The following FANCL variants were observed in gnomAD, a reference collection of about 807,000 sequenced individuals.
FANCL encodes the protein E3 ubiquitin-protein ligase FANCL.
Under a neutral mutation model 59.4 loss-of-function variants are expected in FANCL, and 69 were observed. That is an observed-to-expected ratio of 1.16 (90% confidence interval 0.96 to 1.42). The LOEUF (loss-of-function observed/expected upper bound fraction) is 1.42, where lower values mean the gene tolerates loss of function less well. Ranked by LOEUF, FANCL falls within the 40% of genes most tolerant of loss-of-function variation. The pLI, the probability that FANCL is intolerant of heterozygous loss-of-function variation, is 0.00. For synonymous variants in FANCL, 180 were observed against 147.1 expected, an observed-to-expected ratio of 1.22 and a Z score of -1.62; for missense variants, 519 against 447.2, an observed-to-expected ratio of 1.16 and a Z score of -1.45.
chr2:58,214,337 T>C (rs1036374683), intron 5 of FANCL, among the ~76,000 whole-genome samples: 1 of 152,348 alleles, frequency 6.6e-6, no homozygotes, highest in East Asian at 1.9e-4. Flanking sequence ...ACACTTTCTA[T>C]TTAGCTCACA....
Position 58,241,249 on chromosome 2 carries a change from T to C in FANCL, c.65A>G (p.Lys22Arg), listed in dbSNP as rs1215656155. 1.2e-6 allele frequency: 2 copies of C among 1,614,256 alleles called. No homozygotes were observed. The highest frequency in any genetic ancestry group is 2.2e-5 in the South Asian group (2 of 91,084). ...CGAGATGAATCCCTCATACACGGTT[T>C]TCGACCGGTTCTGGGGCAGAAGCAG... ...CPLLLPQNRS[K>R]TVYEGFISAQ... The change falls in exon 1 of 14, where the codon AAA becomes AGA. Residue 22 changes from lysine (K) to arginine (R), a missense_variant. Coordinates refer to ENST00000233741, the MANE Select transcript of FANCL (RefSeq NM_018062.4).
rs563378210 is a variant in FANCL, at chr2:58,164,201, A to AT, written c.692-685dup. On this transcript the variant is annotated intron_variant, in intron 8 of 13. Coordinates refer to ENST00000233741, the MANE Select transcript of FANCL (RefSeq NM_018062.4). ...CGTAAGTTTCAGAAATTTTACTTCT[A>AT]TTTTTTGAAGGTACATAGTGTAACT... 1.4e-3 allele frequency among the ~76,000 whole-genome samples: 218 copies of AT among 152,100 alleles called. 2 individuals are homozygous for AT. The highest frequency in any genetic ancestry group is 0.014 in the Middle Eastern group (4 of 294).
intron 7 of FANCL, among the ~76,000 whole-genome samples, chr2:58,177,746 C>T (rs565243859): frequency 3.4e-5 from 5 of 148,818 alleles, no homozygotes; most frequent in South Asian, 4.3e-4. Context: ...GTAACCTGCA[C>T]ATTGTGCACA....
intron 5 of FANCL, among the ~76,000 whole-genome samples, chr2:58,207,895 A>G (rs1690751243): frequency 6.6e-6 from 1 of 152,150 alleles, no homozygotes; most frequent in South Asian, 2.1e-4. Context: ...CATCTTTACA[A>G]AAATCTTTTT....
rs187735136 is a variant in FANCL at position 58,173,595 on chromosome 2, T to C, written c.541-7721A>G. ...ACAGACAAGCAAACGCTGAGAGATT[T>C]TGTCACCACCAGGCCTGCCCGAAAA... On this transcript the variant is annotated intron_variant, in intron 7 of 13. Coordinates refer to ENST00000233741, the MANE Select transcript of FANCL (RefSeq NM_018062.4). Among the ~76,000 whole-genome samples, 358 of 152,222 alleles carry C rather than the reference T, an allele frequency of 2.4e-3. 3 individuals are homozygous for C. Among genetic ancestry groups the C allele is most frequent in the Non-Finnish European group, 3.8e-3 (257 of 68,034 alleles).
chr2:58,219,202 A>C (rs1235937688), intron 5 of FANCL, among the ~76,000 whole-genome samples: 7 of 131,618 alleles, frequency 5.3e-5, no homozygotes, highest in East Asian at 4.3e-4. Flanking sequence ...ATATATATAT[A>C]TATCCACAAT....
chr2:58,217,737 A>G (rs1437522641), intron 5 of FANCL, among the ~76,000 whole-genome samples: 1 of 151,986 alleles, frequency 6.6e-6, no homozygotes, highest in African/African-American at 2.4e-5. Context: ...AAAATTCACA[A>G]TCATATTGGG....
At chr2:58,239,188 T>C (rs1404307966) in intron 1 of FANCL, among the ~76,000 whole-genome samples, 4 of 152,198 alleles carry the variant, frequency 2.6e-5, no homozygotes, top group Non-Finnish European at 2.9e-5. Context: ...GAAAGTTTGA[T>C]GCCTCAGAGT....
At chr2:58,185,643 T>C (rs998161116) in intron 7 of FANCL, among the ~76,000 whole-genome samples, 11 of 152,152 alleles carry the variant, frequency 7.2e-5, no homozygotes, top group Admixed American at 2.0e-4. Flanking sequence ...CCCCGATAAT[T>C]AAGCAGGGTA....
At position 58,162,852 on chromosome 2, in the gene FANCL, C is replaced by A. The variant is rs1186009937; in HGVS notation, c.903+14G>T. 3 of 1,603,086 alleles carry A rather than the reference C, an allele frequency of 1.9e-6. No individual in the cohort carries two copies. The highest frequency in any genetic ancestry group is 1.3e-5 in the African/African-American group (1 of 74,760). On this transcript the variant is annotated intron_variant, in intron 11 of 13. Coordinates refer to ENST00000233741, the MANE Select transcript of FANCL (RefSeq NM_018062.4). ...CAATACTGTCTGGAATATCAAAACACTGATAAAACTTACAGATTTTTCCAG... is the reference window on the plus strand; with the variant it reads ...CAATACTGTCTGGAATATCAAAACAATGATAAAACTTACAGATTTTTCCAG...
rs1366440902 is a variant in FANCL, at chr2:58,232,043, C to T, written c.155+11G>A. 6.2e-7 allele frequency: 1 copy of T among 1,612,122 alleles called. No homozygotes were observed. Among genetic ancestry groups the T allele is most frequent in the Non-Finnish European group, 8.5e-7 (1 of 1,178,474 alleles). On this transcript the variant is annotated intron_variant, in intron 2 of 13. Coordinates refer to ENST00000233741, the MANE Select transcript of FANCL (RefSeq NM_018062.4). ...GCAAAAATGCACGTTTATAACTAAA[C>T]ACCATATCACCTTGCATTCTTCAGT... is the stretch of plus-strand genomic sequence containing the variant.
chr2:58,232,335 C>T (rs993229263), intron 1 of FANCL, among the ~76,000 whole-genome samples: 5 of 151,928 alleles, frequency 3.3e-5, no homozygotes, highest in African/African-American at 1.2e-4. Flanking sequence ...ACTGGGAAAT[C>T]AAAACACTCA....
At chr2:58,225,262 T>C (rs911103221) in intron 4 of FANCL, among the ~76,000 whole-genome samples, 1 of 151,356 alleles carries the variant, frequency 6.6e-6, no homozygotes, top group Admixed American at 6.6e-5. Flanking sequence ...CTGTGACAGT[T>C]GCTAGGCACC....
rs370472584 is a variant in FANCL, at chr2:58,198,854, T to C, written c.472-192A>G. Among the ~76,000 whole-genome samples the C allele has an allele frequency of 3.9e-5, 6 of 151,918 alleles. 1 individual carries two copies. The highest frequency in any genetic ancestry group is 1.2e-4 in the African/African-American group (5 of 41,474). On this transcript the variant is annotated intron_variant, in intron 6 of 13. Transcript: ENST00000233741. The stretch of plus-strand genomic sequence containing the variant: ...ATCATCCTGGCTATACGGTGAAACC[T>C]CGCCTCTACTAAAAAATACAAAAAA...
intron 1 of FANCL, among the ~76,000 whole-genome samples, chr2:58,235,444 A>G (rs1035219276): frequency 6.6e-6 from 1 of 152,176 alleles, no homozygotes; most frequent in East Asian, 1.9e-4. Context: ...ACCTTAGACT[A>G]AAGTCTGCTC....
intron 7 of FANCL, among the ~76,000 whole-genome samples, chr2:58,182,579 A>G (rs1460901933): frequency 1.3e-5 from 2 of 151,886 alleles, no homozygotes; most frequent in African/African-American, 4.8e-5. Context: ...CCCATTTTAT[A>G]CAACTAACCC....
intron 5 of FANCL, among the ~76,000 whole-genome samples, chr2:58,218,714 AT>A (rs1692098851): frequency 6.6e-6 from 1 of 152,022 alleles, no homozygotes; most frequent in Non-Finnish European, 1.5e-5. Context: ...CTCTGCACGT[AT>A]ACTGCAACTG....
Position 58,159,721 on chromosome 2 carries a change from T to C in FANCL, c.*44A>G. ...ATGATACCAAAATTCCTTTTGATAA[T>C]TTTTTAAGTTTCCAGCTCTTCACCG... On this transcript the variant is annotated 3_prime_UTR_variant, in exon 14 of 14. Transcript: ENST00000233741. 2 of 1,612,092 alleles carry C rather than the reference T, an allele frequency of 1.2e-6. No individual in the cohort carries two copies. Among genetic ancestry groups the C allele is most frequent in the Non-Finnish European group, 1.7e-6 (2 of 1,179,368 alleles).
intron 7 of FANCL, among the ~76,000 whole-genome samples, chr2:58,168,125 A>T (rs1037293182): frequency 6.6e-6 from 1 of 152,210 alleles, no homozygotes; most frequent in African/African-American, 2.4e-5. Flanking sequence ...AAATATTTTT[A>T]AAAATAAAAA....
Sources: gnomAD v4.1 joint callset for allele counts (sites outside exome capture counted in the v4.1 genomes callset) on GRCh38, gnomAD v4.1.1 for gene constraint, MANE v1.5 for transcripts, NCBI Gene and HGNC (gene_info 2026-07-23, HGNC 2026-07-21) for gene names.